ZSCAN25: variants seen among roughly 807,000 people sequenced by gnomAD.
ZSCAN25 encodes zinc finger and SCAN domain containing 25, also known as zinc finger and SCAN domain-containing protein 25.
Under a neutral mutation model 38.7 loss-of-function variants are expected in ZSCAN25, and 27 were observed. The ratio of observed to expected loss-of-function variants is 0.70; its 90% CI spans 0.51 to 0.96. ZSCAN25 has a LOEUF of 0.96. ZSCAN25 is among the 40% of genes least tolerant of loss of function. The pLI, the probability that ZSCAN25 is intolerant of heterozygous loss-of-function variation, is 0.00. For missense variants in ZSCAN25, 637 were observed against 705.9 expected (o/e 0.90, Z 1.11); for synonymous variants, 273 against 277.7 (o/e 0.98, Z 0.17).
At chr7:99,712,916 C>T in the ZSCAN25 span, among the ~76,000 whole-genome samples, 1 of 152,148 alleles carries the variant, frequency 6.6e-6, no homozygotes, top group African/African-American at 2.4e-5. Context: ...TACACAGTCT[C>T]AGAGGTTTTC....
chr7:99,624,117 A>T lies in ZSCAN25; in HGVS notation c.742A>T (p.Thr248Ser). The change falls in exon 7 of 8, where the codon ACC becomes TCC. Residue 248 changes from threonine (T) to serine (S), a missense_variant. Thr to Ser is a moderately conservative substitution (Grantham distance 58, BLOSUM62 1). Transcript: ENST00000394152. ...CCCTGAGGAGGAGTGGAGGCATGTG[A>T]CCCCAGCCCAGATAGACTGCTTTGG... is the stretch of plus-strand genomic sequence containing the variant. ...AFPEEEWRHVTPAQIDCFGEY... is the reference protein window; with the variant it reads ...AFPEEEWRHVSPAQIDCFGEY... The T allele has an allele frequency of 3.1e-6, 5 of 1,613,994 alleles. No individual in the cohort carries two copies. The highest frequency in any genetic ancestry group is 4.2e-6 in the Non-Finnish European group (5 of 1,180,002).
chr7:99,663,121 C>A, the ZSCAN25 span: 1 of 1,229,854 alleles, frequency 8.1e-7, no homozygotes, highest in Non-Finnish European at 1.0e-6. Context: ...CGCCTTTGCC[C>A]TCCCTGTTTC....
the ZSCAN25 span, among the ~76,000 whole-genome samples, chr7:99,733,388 C>T: frequency 6.6e-6 from 1 of 152,168 alleles, no homozygotes; most frequent in African/African-American, 2.4e-5. Context: ...CTTTCCAGCT[C>T]CCCTCTGTTT....
the ZSCAN25 span, among the ~76,000 whole-genome samples, chr7:99,705,933 T>C: frequency 6.6e-6 from 1 of 152,314 alleles, no homozygotes; most frequent in African/African-American, 2.4e-5. Flanking sequence ...GATTATTAGG[T>C]ATAACGGTAA....
chr7:99,717,086 G>A, the ZSCAN25 span: 27 of 1,555,970 alleles, frequency 1.7e-5, no homozygotes, highest in Non-Finnish European at 2.4e-5. Context: ...CTGGTCACTG[G>A]AATAACCCAA....
At chr7:99,730,622 A>G in the ZSCAN25 span, 16 of 183,444 alleles carry the variant, frequency 8.7e-5, no homozygotes, top group South Asian at 2.5e-4. Context: ...GGAGGAAGGG[A>G]AAAAAGCCTA....
chr7:99,689,993 T>A, the ZSCAN25 span, among the ~76,000 whole-genome samples: 1 of 152,154 alleles, frequency 6.6e-6, no homozygotes, highest in Non-Finnish European at 1.5e-5. Context: ...CATTGCCAAG[T>A]CAATCCTAAG....
the ZSCAN25 span, chr7:99,676,232 G>A: frequency 6.2e-7 from 1 of 1,612,816 alleles, no homozygotes; most frequent in Non-Finnish European, 8.5e-7. Flanking sequence ...CAGAAATCAG[G>A]TCACAGGGAT....
chr7:99,724,207 C>A, the ZSCAN25 span, among the ~76,000 whole-genome samples: 9 of 152,194 alleles, frequency 5.9e-5, no homozygotes, highest in Non-Finnish European at 1.2e-4. Context: ...TCTTCAAAAC[C>A]TAAAACCCCC....
the ZSCAN25 span, among the ~76,000 whole-genome samples, chr7:99,688,883 A>G: frequency 1.3e-5 from 2 of 152,240 alleles, no homozygotes; most frequent in African/African-American, 4.8e-5. Context: ...CTGCTCAACT[A>G]CATGGAAACT....
chr7:99,673,443 G>A, the ZSCAN25 span, among the ~76,000 whole-genome samples: 11 of 152,190 alleles, frequency 7.2e-5, no homozygotes, highest in African/African-American at 2.7e-4. Flanking sequence ...GAACACAATG[G>A]TTTAATAATA....
chr7:99,720,561 A>G, the ZSCAN25 span: 1 of 833,890 alleles, frequency 1.2e-6, no homozygotes, highest in Admixed American at 2.3e-5. Flanking sequence ...CATTAGGTAT[A>G]ACTCACAGCA....
chr7:99,663,779 C>T, the ZSCAN25 span: 12 of 1,258,832 alleles, frequency 9.5e-6, no homozygotes, highest in Non-Finnish European at 1.2e-5. Context: ...GTTTTAAATG[C>T]TATCTCTCTG....
chr7:99,704,523 T>C, the ZSCAN25 span, among the ~76,000 whole-genome samples: 7 of 152,100 alleles, frequency 4.6e-5, no homozygotes, highest in Admixed American at 4.6e-4. Flanking sequence ...ACTCCTGGCC[T>C]CAGATGATCT....
At chr7:99,653,633 G>C in the ZSCAN25 span, among the ~76,000 whole-genome samples, 7 of 152,256 alleles carry the variant, frequency 4.6e-5, no homozygotes, top group East Asian at 1.4e-3. The surrounding 1 kb of genome is among the most constrained non-coding windows in gnomAD (Gnocchi z 4.2). Flanking sequence ...TTTTGGAATA[G>C]TTTCCTAGTT....
At chr7:99,700,816 C>T in the ZSCAN25 span, among the ~76,000 whole-genome samples, 315 of 152,280 alleles carry the variant, frequency 2.1e-3, no homozygotes, top group Non-Finnish European at 3.7e-3. Flanking sequence ...GTGTGTCATC[C>T]CCTCTGAGTC....
At chr7:99,726,563 C>T in the ZSCAN25 span, among the ~76,000 whole-genome samples, 1 of 152,204 alleles carries the variant, frequency 6.6e-6, no homozygotes, top group Non-Finnish European at 1.5e-5. Flanking sequence ...CCCAGCCTCT[C>T]TTTGCTTTTA....
At chr7:99,628,760 C>T (rs1807716640) in intron 7 of ZSCAN25, among the ~76,000 whole-genome samples, 1 of 152,218 alleles carries the variant, frequency 6.6e-6, no homozygotes, top group Admixed American at 6.5e-5. Flanking sequence ...TGTGCTACAG[C>T]AGGTGTAGAA....
the ZSCAN25 span, among the ~76,000 whole-genome samples, chr7:99,737,316 A>G: frequency 6.6e-6 from 1 of 152,160 alleles, no homozygotes; most frequent in Non-Finnish European, 1.5e-5. Context: ...AAGCATCACT[A>G]TGGCAAATAG....
Sources: gnomAD v4.1 joint callset for allele counts (sites outside exome capture counted in the v4.1 genomes callset) on GRCh38, gnomAD v4.1.1 for gene constraint, Gnocchi (gnomAD v3.1) non-coding constraint, MANE v1.5 for transcripts, NCBI Gene and HGNC (gene_info 2026-07-23, HGNC 2026-07-21) for gene names.